ZC3H7A: variants seen among roughly 807,000 people sequenced by gnomAD.
ZC3H7A encodes zinc finger CCCH domain-containing protein 7A.
ZC3H7A carries 44 observed loss-of-function variants against 125.5 expected under a neutral mutation model. The observed-to-expected ratio is 0.35, with a 90% CI of 0.28 to 0.45. ZC3H7A has a LOEUF of 0.45. Among genes scored for constraint, ZC3H7A ranks in the 20% least tolerant of loss-of-function variants. ZC3H7A has a pLI of 1.00. For missense variants in ZC3H7A, 977 were observed against 1,170.7 expected (o/e 0.83, Z 2.41); for synonymous variants, 399 against 391.2 (o/e 1.02, Z -0.23).
chr16:11,788,999 T>TAC (rs941571157), intron 1 of ZC3H7A, among the ~76,000 whole-genome samples: 4 of 151,832 alleles, frequency 2.6e-5, no homozygotes, highest in African/African-American at 4.8e-5. Context: ...TGCATAATAC[T>TAC]ACACACACAC....
rs2052754277 is a variant in ZC3H7A, at chr16:11,761,604, G to A, written c.2214-93C>T. On this transcript the variant is annotated intron_variant, in intron 18 of 22. Coordinates refer to ENST00000355758, the MANE Select transcript of ZC3H7A (RefSeq NM_014153.4). ...CACAAAGTTTGTACCTGAGGAACCAGAGAATTTTTTTCTCAATGCTTCTAA... is the reference window on the plus strand; with the variant it reads ...CACAAAGTTTGTACCTGAGGAACCAAAGAATTTTTTTCTCAATGCTTCTAA... 8 of 1,329,678 alleles carry A rather than the reference G, an allele frequency of 6.0e-6. No individual in the cohort carries two copies. The Admixed American group carries it at 1.1e-4, about 17-fold the overall frequency. The allele number at this position is 1,329,678 out of a possible 1,614,324, so 82.4% of individuals were successfully genotyped here.
intron 20 of ZC3H7A, among the ~76,000 whole-genome samples, chr16:11,756,933 G>A (rs1011862742): frequency 3.3e-5 from 5 of 152,344 alleles, no homozygotes; most frequent in African/African-American, 1.2e-4. Flanking sequence ...GTCCTGGGCA[G>A]TGGCTGCCAG....
rs773391129 is a variant in ZC3H7A, at chr16:11,776,526, G to T, written c.472C>A (p.His158Asn). Residue 158 changes from histidine to asparagine, a missense_variant, in exon 6 of 23, where the codon CAT becomes AAT. Transcript: ENST00000355758. The part of the protein sequence containing the change: ...KCSLAVPQDE[H>N]VIKLTQELAQ... ...AGTTCTTGAGTTAGTTTTATTACAT[G>T]CTCATCCTGAAAAAAATAAGTATGT... is the stretch of plus-strand genomic sequence containing the variant. The T allele has an allele frequency of 3.1e-6, 5 of 1,605,542 alleles. No homozygotes were observed. The East Asian group carries it at 8.9e-5, about 29-fold the overall frequency.
intron 5 of ZC3H7A, 57 bp downstream of exon 5, chr16:11,776,694 C>A (rs765985315): frequency 1.3e-6 from 2 of 1,545,452 alleles, no homozygotes; most frequent in Admixed American, 2.1e-5. Context: ...TCTTTAAATG[C>A]CATTTATTAT....
rs112446382 is a variant in ZC3H7A, at chr16:11,788,529, G to A, written c.-34-6141C>T. On this transcript the variant is annotated intron_variant, in intron 1 of 22. Coordinates refer to ENST00000355758, the MANE Select transcript of ZC3H7A (RefSeq NM_014153.4). Reference sequence around the variant, plus strand: ...CACTTAGCCACCCATTTGCCCTTCCGCCCGTTTGCCCTCCTGGAGGGCCAC... The same window carrying A: ...CACTTAGCCACCCATTTGCCCTTCCACCCGTTTGCCCTCCTGGAGGGCCAC... Among the ~76,000 whole-genome samples the A allele has an allele frequency of 2.6e-3, 391 of 151,898 alleles. 1 individual carries two copies. Among genetic ancestry groups the A allele is most frequent in the African/African-American group, 8.8e-3 (363 of 41,426 alleles).
chr16:11,773,993 A>T (rs940775948), intron 9 of ZC3H7A, among the ~76,000 whole-genome samples: 2 of 152,162 alleles, frequency 1.3e-5, no homozygotes, highest in African/African-American at 2.4e-5. Context: ...TGCCCTTTCC[A>T]TAATATGAGA....
At chr16:11,763,751 ATATATATATATATATAT>A (rs2052798418) in intron 15 of ZC3H7A, 92 bp from the exon 16 acceptor site, 1 of 75,274 alleles carries the variant, frequency 1.3e-5, no homozygotes, top group East Asian at 3.0e-4. Context: ...ATATATATAT[ATATATATATATATATAT>A]AAAGTTCTAC....
chr16:11,794,794 C>T (rs1413326727), intron 1 of ZC3H7A, among the ~76,000 whole-genome samples: 1 of 152,194 alleles, frequency 6.6e-6, no homozygotes, highest in Non-Finnish European at 1.5e-5. Context: ...CCCCAACTGG[C>T]AGGTTTTAAA....
chr16:11,792,734 C>G (rs551641546), intron 1 of ZC3H7A, among the ~76,000 whole-genome samples: 1 of 152,316 alleles, frequency 6.6e-6, no homozygotes, highest in East Asian at 1.9e-4. Context: ...TAGCAGAGCT[C>G]AATTTCAAAG....
intron 15 of ZC3H7A, among the ~76,000 whole-genome samples, chr16:11,764,338 C>CA (rs1046209297): frequency 5.3e-5 from 8 of 152,102 alleles, no homozygotes; most frequent in Non-Finnish European, 7.4e-5. Context: ...CACTTGAGGT[C>CA]AGGAGTTCAA....
intron 21 of ZC3H7A, chr16:11,753,058 A>T: frequency 2.0e-6 from 1 of 504,982 alleles, no homozygotes. Context: ...GTAAAGAGGC[A>T]ATAGGAGCTG....
chr16:11,752,761 G>C lies in ZC3H7A; in HGVS notation c.2634C>G (p.Ser878=), dbSNP rs752937533. 1 of 1,614,134 alleles carries C rather than the reference G, an allele frequency of 6.2e-7. No individual in the cohort carries two copies. The highest frequency in any genetic ancestry group is 8.5e-7 in the Non-Finnish European group (1 of 1,180,030). ...SEKQWQGHIS[S]EKHKEKVFHT... is the part of the protein sequence containing the mutation. ...GGAAAACCTTCTCTTTGTGCTTCTC[G>C]GAGGAGATGTGGCCCTGCCACTGCT... is the stretch of plus-strand genomic sequence containing the variant. The change falls in exon 22 of 23, where the codon TCC becomes TCG. Residue 878 remains serine, a synonymous_variant. Transcript: ENST00000355758.
chr16:11,783,807 G>C (rs1303361587), intron 1 of ZC3H7A, among the ~76,000 whole-genome samples: 1 of 152,184 alleles, frequency 6.6e-6, no homozygotes, highest in African/African-American at 2.4e-5. Flanking sequence ...ATAAGGGTGA[G>C]ATGGGGGTTG....
At chr16:11,792,666 A>G (rs943423666) in intron 1 of ZC3H7A, among the ~76,000 whole-genome samples, 3 of 152,240 alleles carry the variant, frequency 2.0e-5, no homozygotes, top group African/African-American at 4.8e-5. Context: ...GACAGGTACT[A>G]TAAAGAAACT....
At chr16:11,756,439 T>C (rs2052650599) in intron 20 of ZC3H7A, 69 bp from the exon 21 acceptor site, 2 of 1,570,472 alleles carry the variant, frequency 1.3e-6, no homozygotes, top group Non-Finnish European at 1.7e-6. Context: ...ACTATGTGCA[T>C]ATTTTGTAGC....
intron 18 of ZC3H7A, 110 bp downstream of exon 18, chr16:11,761,800 A>G (rs2052757254): frequency 3.5e-6 from 5 of 1,437,404 alleles, no homozygotes; most frequent in African/African-American, 1.4e-5. Flanking sequence ...TAAATTATCT[A>G]TTTTTCTCTC....
chr16:11,788,451 A>C (rs2053292841), intron 1 of ZC3H7A, among the ~76,000 whole-genome samples: 2 of 152,266 alleles, frequency 1.3e-5, no homozygotes, highest in South Asian at 2.1e-4. Flanking sequence ...CAGACATCCT[A>C]AACTGTTCAT....
At chr16:11,773,610 T>A (rs972727268) in intron 9 of ZC3H7A, among the ~76,000 whole-genome samples, 7 of 151,812 alleles carry the variant, frequency 4.6e-5, no homozygotes, top group African/African-American at 1.7e-4. Context: ...AGGCCGGGCA[T>A]GGTAGCTCAC....
At chr16:11,754,075 G>T (rs1450594143) in intron 21 of ZC3H7A, 1 of 151,756 alleles carries the variant, frequency 6.6e-6, no homozygotes, top group African/African-American at 2.4e-5. Flanking sequence ...AGGAGTGCTT[G>T]AGCACAGGAG....
Sources: gnomAD v4.1 joint callset for allele counts (sites outside exome capture counted in the v4.1 genomes callset) on GRCh38, gnomAD v4.1.1 for gene constraint, MANE v1.5 for transcripts, NCBI Gene and HGNC (gene_info 2026-07-23, HGNC 2026-07-21) for gene names.